Variants in CPLX2 observed in about 807,000 individuals in gnomAD.
CPLX2 encodes complexin 2, also known as complexin-2.
Under a neutral mutation model 16.3 loss-of-function variants are expected in CPLX2, and 5 were observed. The observed-to-expected ratio is 0.31, with a 90% CI of 0.16 to 0.64. The LOEUF is 0.64. CPLX2 is among the 30% of genes least tolerant of loss of function. CPLX2 has a pLI of 0.79. For missense variants in CPLX2, 144 were observed against 181.4 expected, an observed-to-expected ratio of 0.79 and a Z score of 1.18; for synonymous variants, 89 against 73.2, an observed-to-expected ratio of 1.22 and a Z score of -1.10.
chr5:175,814,263 TAAG>T (rs1052979152), intron 2 of CPLX2, among the ~76,000 whole-genome samples: 1 of 152,166 alleles, frequency 6.6e-6, no homozygotes, highest in Non-Finnish European at 1.5e-5. Flanking sequence ...GGCCCCATCC[TAAG>T]AAGGAGGGAG....
Position 175,845,845 on chromosome 5 carries a change from C to A in CPLX2, c.-88-32807C>A, listed in dbSNP as rs2113673412. On this transcript the variant is annotated intron_variant, in intron 2 of 4. Transcript: ENST00000359546. This position sits in a 1 kb window ranked among gnomAD's most constrained non-coding sequence, Gnocchi z 4.0. ...AAGGGCAAAGTTTTCTCCTAGAATCCCAGGACTTTGAGGGAAACCCAGGAT... is the reference window on the plus strand; with the variant it reads ...AAGGGCAAAGTTTTCTCCTAGAATCACAGGACTTTGAGGGAAACCCAGGAT... 6.6e-6 allele frequency among the ~76,000 whole-genome samples: 1 copy of A among 152,248 alleles called. No homozygotes were observed. Among genetic ancestry groups the A allele is most frequent in the Non-Finnish European group, 1.5e-5 (1 of 68,016 alleles).
At chr5:175,850,403 C>G (rs980657597) in intron 2 of CPLX2, among the ~76,000 whole-genome samples, 2 of 152,152 alleles carry the variant, frequency 1.3e-5, no homozygotes, top group African/African-American at 4.8e-5. Flanking sequence ...GCGCAGGGAG[C>G]CTCCAGAGGT....
chr5:175,850,677 G>A (rs1333908267), intron 2 of CPLX2, among the ~76,000 whole-genome samples: 3 of 152,150 alleles, frequency 2.0e-5, no homozygotes, highest in African/African-American at 7.2e-5. Context: ...ATTTAGCCCA[G>A]CAATCCCCAC....
At chr5:175,820,656 C>G (rs981629884) in intron 2 of CPLX2, among the ~76,000 whole-genome samples, 61 of 152,280 alleles carry the variant, frequency 4.0e-4, no homozygotes, top group African/African-American at 1.4e-3. Flanking sequence ...AGCAGCCCCC[C>G]GCCCCCTACC....
intron 2 of CPLX2, among the ~76,000 whole-genome samples, chr5:175,825,144 C>T (rs1385641243): frequency 6.6e-6 from 1 of 152,030 alleles, no homozygotes; most frequent in African/African-American, 2.4e-5. Context: ...CACCTGTAAT[C>T]CCAGCACTTT....
rs1227041477 is a variant in CPLX2, at chr5:175,799,539, C to CATATATATATTTATATATATATAT, written c.-169+2765_-169+2766insTTATATATATATATATATATATAT. Among the ~76,000 whole-genome samples the CATATATATATTTATATATATATAT allele has an allele frequency of 9.7e-4, 70 of 72,254 alleles. 3 individuals are homozygous for CATATATATATTTATATATATATAT. Among genetic ancestry groups the CATATATATATTTATATATATATAT allele is most frequent in the Middle Eastern group, 6.9e-3 (1 of 144 alleles). The allele number at this position is 72,254 out of a possible 152,430, so 47.4% of individuals were successfully genotyped here. On this transcript the variant is annotated intron_variant, in intron 1 of 4. Transcript: ENST00000359546. ...ATCTTTGAGATCCCTTTGCAAATTT[C>CATATATATATTTATATATATATAT]ATATATATATATATATATATATATA...
chr5:175,855,223 G>A (rs1386875960), intron 2 of CPLX2, among the ~76,000 whole-genome samples: 1 of 152,296 alleles, frequency 6.6e-6, no homozygotes, highest in East Asian at 1.9e-4. Context: ...AGGCAGAGCA[G>A]TCGAGGTTCA....
exon 1 of CPLX2, chr5:175,796,769 C>G (rs927647824): frequency 1.3e-5 from 2 of 152,250 alleles, no homozygotes; most frequent in Non-Finnish European, 2.9e-5. Context: ...CGCGGAGGAG[C>G]TGCAGCCTCC....
At chr5:175,860,562 A>AGG (rs1759350839) in intron 2 of CPLX2, among the ~76,000 whole-genome samples, 3 of 119,884 alleles carry the variant, frequency 2.5e-5, no homozygotes, top group African/African-American at 6.5e-5. Context: ...GAAAGAAAGA[A>AGG]AAAGAAGGGA....
rs562884192 is a variant in CPLX2 at position 175,817,107 on chromosome 5, G to A, written c.-89+8039G>A. Among the ~76,000 whole-genome samples, 6 of 152,324 alleles carry A rather than the reference G, an allele frequency of 3.9e-5. No homozygotes were observed. In the South Asian group the frequency reaches 1.0e-3, roughly 26 times the overall value. On this transcript the variant is annotated intron_variant, in intron 2 of 4. Transcript: ENST00000359546. ...GACCATGGCCGATAGCAAGTCAGTGGGCCCCACTCCAGGGGGCTCCAAGAC... is the reference window on the plus strand; with the variant it reads ...GACCATGGCCGATAGCAAGTCAGTGAGCCCCACTCCAGGGGGCTCCAAGAC...
In CPLX2 at chr5:175,845,881, G is replaced by C. The variant is rs553669458; in HGVS notation, c.-88-32771G>C. Among the ~76,000 whole-genome samples the C allele has an allele frequency of 4.3e-4, 65 of 152,252 alleles. No homozygotes were observed. The highest frequency in any genetic ancestry group is 5.2e-4 in the Admixed American group (8 of 15,298). ...AGGGAAACCCAGGATGGGTGGGCCT[G>C]GGTCCCAGGAAAGGGGAGTCATTTG... is the stretch of plus-strand genomic sequence containing the variant. On this transcript the variant is annotated intron_variant, in intron 2 of 4. Coordinates refer to the CPLX2 transcript ENST00000359546. The surrounding 1 kb of genome is among the most constrained non-coding windows in gnomAD (Gnocchi z 4.0).
chr5:175,841,777 C>T (rs1758949007), intron 2 of CPLX2, among the ~76,000 whole-genome samples: 1 of 152,212 alleles, frequency 6.6e-6, no homozygotes, highest in Admixed American at 6.5e-5. Context: ...AATCCCAGCT[C>T]TCCTCCTGCC....
chr5:175,823,233 A>C (rs2113647528), intron 2 of CPLX2, among the ~76,000 whole-genome samples: 1 of 152,304 alleles, frequency 6.6e-6, no homozygotes, highest in East Asian at 1.9e-4. Flanking sequence ...GTTGCTGTAC[A>C]CCCAATGTTG....
intron 1 of CPLX2, among the ~76,000 whole-genome samples, chr5:175,808,257 G>A (rs553541563): frequency 6.6e-6 from 1 of 152,124 alleles, no homozygotes; most frequent in East Asian, 1.9e-4. Flanking sequence ...ATGGAACATC[G>A]ACCTCACTCA....
At chr5:175,869,128 T>C (rs925835453), upstream of CPLX2, among the ~76,000 whole-genome samples, 1 of 152,228 alleles carries the variant, frequency 6.6e-6, no homozygotes, top group African/African-American at 2.4e-5. Flanking sequence ...CTGGTAACAC[T>C]GAATAGGGAG....
chr5:175,810,525 C>A (rs1758295036), intron 2 of CPLX2, among the ~76,000 whole-genome samples: 1 of 152,222 alleles, frequency 6.6e-6, no homozygotes, highest in South Asian at 2.1e-4. Flanking sequence ...ACTCCAGCCC[C>A]ATGCTTAGTG....
chr5:175,859,792 G>A lies in CPLX2; in HGVS notation c.-88-18860G>A, dbSNP rs557852811. Among the ~76,000 whole-genome samples the A allele has an allele frequency of 9.5e-4, 144 of 152,352 alleles. 1 individual carries two copies. Among genetic ancestry groups the A allele is most frequent in the African/African-American group, 3.3e-3 (138 of 41,576 alleles). On this transcript the variant is annotated intron_variant, in intron 2 of 4. Transcript: ENST00000359546. Reference sequence around the variant, plus strand: ...TTGTAGTAGGTCAAGATGCAGCTTAGAGACAAAGGAAGATCAGCTTCTTCT... The same window carrying A: ...TTGTAGTAGGTCAAGATGCAGCTTAAAGACAAAGGAAGATCAGCTTCTTCT...
intron 2 of CPLX2, among the ~76,000 whole-genome samples, chr5:175,852,119 G>A (rs1050017649): frequency 6.6e-6 from 1 of 152,148 alleles, no homozygotes; most frequent in African/African-American, 2.4e-5. Context: ...CTTTCGTGTG[G>A]GCTCAAACTC....
At chr5:175,841,361 G>A (rs1382405379) in intron 2 of CPLX2, among the ~76,000 whole-genome samples, 5 of 151,580 alleles carry the variant, frequency 3.3e-5, no homozygotes, top group Admixed American at 2.0e-4. Context: ...ACAGGCTTAC[G>A]TGGGCACCAG....
Sources: allele counts gnomAD v4.1 joint callset (sites outside exome capture counted in the v4.1 genomes callset), GRCh38; gene constraint gnomAD v4.1.1; non-coding constraint Gnocchi (gnomAD v3.1); transcripts MANE v1.5; gene names NCBI Gene and HGNC (gene_info 2026-07-23, HGNC 2026-07-21).